The following SHISA6 variants were observed in gnomAD, a reference collection of about 807,000 sequenced individuals.
SHISA6 encodes the protein protein shisa-6.
SHISA6 carries 22 observed loss-of-function variants against 47.9 expected under a neutral mutation model. That is an observed-to-expected ratio of 0.46 (90% CI 0.33 to 0.66). SHISA6 has a LOEUF of 0.66. SHISA6 is among the 30% of genes least tolerant of loss of function. The pLI, the probability that SHISA6 is intolerant of heterozygous loss-of-function variation, is 0.02. For synonymous variants in SHISA6, 388 were observed against 337.8 expected (o/e 1.15, Z -1.63); for missense variants, 680 against 764.6 (o/e 0.89, Z 1.30).
At chr17:11,369,409 C>T (rs1056729154) in intron 2 of SHISA6, among the ~76,000 whole-genome samples, 9 of 152,206 alleles carry the variant, frequency 5.9e-5, no homozygotes, top group Non-Finnish European at 1.3e-4. Context: ...TTATCTAAGA[C>T]GGTGGCAGTT....
intron 2 of SHISA6, among the ~76,000 whole-genome samples, chr17:11,281,378 T>C (rs1433144942): frequency 1.3e-5 from 2 of 152,206 alleles, no homozygotes; most frequent in Non-Finnish European, 2.9e-5. Flanking sequence ...TTGGATTGGG[T>C]CAAGTGCATC....
At chr17:11,276,579 ACAT>A (rs1908900239) in intron 2 of SHISA6, among the ~76,000 whole-genome samples, 2 of 151,704 alleles carry the variant, frequency 1.3e-5, no homozygotes, top group African/African-American at 2.4e-5. Flanking sequence ...CTTTTCCTTA[ACAT>A]CATCATCATC....
At chr17:11,467,768 C>T (rs2142319007) in intron 3 of SHISA6, among the ~76,000 whole-genome samples, 1 of 152,274 alleles carries the variant, frequency 6.6e-6, no homozygotes, top group Non-Finnish European at 1.5e-5. Context: ...GAGTTTAGCA[C>T]AGCCAAACAG....
chr17:11,507,995 G>A (rs1417185500), intron 3 of SHISA6, among the ~76,000 whole-genome samples: 1 of 152,188 alleles, frequency 6.6e-6, no homozygotes, highest in Non-Finnish European at 1.5e-5. Context: ...CCACTAGCCA[G>A]TTGCCTACAT....
At chr17:11,449,981 T>C (rs1438818784) in intron 3 of SHISA6, among the ~76,000 whole-genome samples, 1 of 152,138 alleles carries the variant, frequency 6.6e-6, no homozygotes, top group Non-Finnish European at 1.5e-5. Context: ...GCCTCCTGGG[T>C]TCACGCCATT....
intron 3 of SHISA6, among the ~76,000 whole-genome samples, chr17:11,406,863 T>G (rs1045728692): frequency 1.3e-5 from 2 of 152,198 alleles, no homozygotes; most frequent in African/African-American, 4.8e-5. Context: ...AATTGGAATA[T>G]CCAGTCCTTC....
intron 3 of SHISA6, among the ~76,000 whole-genome samples, chr17:11,493,528 A>G (rs1321833837): frequency 6.6e-6 from 1 of 152,140 alleles, no homozygotes; most frequent in Non-Finnish European, 1.5e-5. Flanking sequence ...TGCCAGGCCA[A>G]TAATGCAACT....
chr17:11,433,068 C>G (rs1048421157), intron 3 of SHISA6, among the ~76,000 whole-genome samples: 16 of 152,162 alleles, frequency 1.1e-4, no homozygotes, highest in Non-Finnish European at 2.4e-4. Flanking sequence ...AATTGTATCT[C>G]AATACAGCTA....
chr17:11,264,988 G>T (rs374625472), intron 2 of SHISA6, among the ~76,000 whole-genome samples: 3 of 152,146 alleles, frequency 2.0e-5, no homozygotes, highest in African/African-American at 7.2e-5. Context: ...AAAGATGAGG[G>T]CTCCACCTTT....
Position 11,434,808 on chromosome 17 carries a change from A to G in SHISA6, c.895+55299A>G, listed in dbSNP as rs369417213. Among the ~76,000 whole-genome samples, 10 of 152,350 alleles carry G rather than the reference A, an allele frequency of 6.6e-5. No individual in the cohort carries two copies. In the South Asian group the frequency reaches 2.1e-3, roughly 32 times the overall value. The stretch of plus-strand genomic sequence containing the variant: ...TGGTCTTTGAATCTGAAATGCAAAG[A>G]AATATCCAAAGCGGAGGACAGGGAA... On this transcript the variant is annotated intron_variant, in intron 3 of 5. Coordinates refer to ENST00000441885, the MANE Select transcript of SHISA6 (RefSeq NM_207386.4).
At chr17:11,451,884 GA>G (rs1157699219) in intron 3 of SHISA6, among the ~76,000 whole-genome samples, 2 of 152,238 alleles carry the variant, frequency 1.3e-5, no homozygotes, top group African/African-American at 4.8e-5. Flanking sequence ...GATTGCAGAA[GA>G]AATCCTTAGA....
chr17:11,324,167 G>A lies in SHISA6; in HGVS notation c.800-55247G>A, dbSNP rs146841416. 3.7e-3 allele frequency among the ~76,000 whole-genome samples: 568 copies of A among 152,194 alleles called. 6 individuals are homozygous for A. The highest frequency in any genetic ancestry group is 0.013 in the African/African-American group (538 of 41,522). On this transcript the variant is annotated intron_variant, in intron 2 of 5. Coordinates refer to ENST00000441885, the MANE Select transcript of SHISA6 (RefSeq NM_207386.4). ...TGCAGCTCTTCTCAGCTTTGGTGCC[G>A]CGTTTTCATCTTATCAAAGATTCAT... is the stretch of plus-strand genomic sequence containing the variant.
At chr17:11,361,513 T>G (rs1015138091) in intron 2 of SHISA6, among the ~76,000 whole-genome samples, 15 of 152,210 alleles carry the variant, frequency 9.9e-5, no homozygotes, top group Admixed American at 1.3e-4. Context: ...CCGTGGACTG[T>G]AACTCCAAGT....
At chr17:11,277,900 G>A (rs2142158623) in intron 2 of SHISA6, among the ~76,000 whole-genome samples, 1 of 152,282 alleles carries the variant, frequency 6.6e-6, no homozygotes, top group African/African-American at 2.4e-5. Context: ...GTTTGAAGTT[G>A]TCATACCACT....
intron 3 of SHISA6, among the ~76,000 whole-genome samples, chr17:11,480,311 T>G (rs1201213658): frequency 6.6e-6 from 1 of 152,214 alleles, no homozygotes; most frequent in Non-Finnish European, 1.5e-5. Context: ...TCTGGATCTG[T>G]AGTTTGATAC....
chr17:11,524,553 A>G (rs182018968), intron 3 of SHISA6, among the ~76,000 whole-genome samples: 1 of 150,488 alleles, frequency 6.6e-6, no homozygotes, highest in Admixed American at 6.6e-5. Flanking sequence ...CTAGAGTGAA[A>G]TGGTGTGATC....
At chr17:11,352,430 A>T (rs1911920995) in intron 2 of SHISA6, among the ~76,000 whole-genome samples, 1 of 152,236 alleles carries the variant, frequency 6.6e-6, no homozygotes, top group African/African-American at 2.4e-5. Context: ...TTAAAAGCTG[A>T]ATTATTGCAG....
intron 3 of SHISA6, among the ~76,000 whole-genome samples, chr17:11,403,198 A>G (rs958915157): frequency 2.0e-5 from 3 of 152,230 alleles, no homozygotes; most frequent in Non-Finnish European, 4.4e-5. Context: ...CAATAAATGT[A>G]CATGATTAGA....
intron 3 of SHISA6, among the ~76,000 whole-genome samples, chr17:11,425,311 G>C (rs958653147): frequency 6.6e-6 from 1 of 151,760 alleles, no homozygotes. Flanking sequence ...AGTGGGAGGG[G>C]GTGACAAAGA....
Sources: gnomAD v4.1 joint callset for allele counts (sites outside exome capture counted in the v4.1 genomes callset) on GRCh38, gnomAD v4.1.1 for gene constraint, MANE v1.5 for transcripts, NCBI Gene and HGNC (gene_info 2026-07-23, HGNC 2026-07-21) for gene names.